PPP4R4: variants seen among roughly 807,000 people sequenced by gnomAD.
PPP4R4 encodes the protein protein phosphatase 4 regulatory subunit 4.
In PPP4R4, 70 loss-of-function variants were observed where a neutral mutation model predicts 121.8. The observed-to-expected ratio is 0.57, with a 90% CI of 0.47 to 0.70. The LOEUF is 0.70. Ranked by LOEUF, PPP4R4 falls within the 30% of genes least tolerant of loss-of-function variation. The probability of loss-of-function intolerance (pLI) is 0.00; values close to 1 mark genes in which losing one functional copy is unlikely to be tolerated. For synonymous variants in PPP4R4, 348 were observed against 355.7 expected, an observed-to-expected ratio of 0.98 and a Z score of 0.24; for missense variants, 875 against 1,033.6, an observed-to-expected ratio of 0.85 and a Z score of 2.10.
chr14:94,191,944 T>C (rs768682550), intron 2 of PPP4R4, among the ~76,000 whole-genome samples: 8 of 152,140 alleles, frequency 5.3e-5, no homozygotes, highest in Admixed American at 6.5e-5. Flanking sequence ...GTTGGAATAC[T>C]AGCTCTAATC....
At chr14:94,226,590 T>C (rs1308436806) in intron 3 of PPP4R4, among the ~76,000 whole-genome samples, 3 of 152,106 alleles carry the variant, frequency 2.0e-5, no homozygotes, top group Admixed American at 2.0e-4. Flanking sequence ...TGAAAGTCTT[T>C]TATAAATATC....
intron 16 of PPP4R4, among the ~76,000 whole-genome samples, chr14:94,252,337 T>G (rs1893231431): frequency 6.6e-6 from 1 of 152,194 alleles, no homozygotes; most frequent in Non-Finnish European, 1.5e-5. Flanking sequence ...CATCTTGTCT[T>G]CTATGTTTTG....
Position 94,201,563 on chromosome 14 carries a change from A to G in PPP4R4, c.192-6901A>G, listed in dbSNP as rs141448649. On this transcript the variant is annotated intron_variant, in intron 2 of 24. Coordinates refer to ENST00000304338, the MANE Select transcript of PPP4R4 (RefSeq NM_058237.2). Reference sequence around the variant, plus strand: ...TGTTGGACAAGTCCTTTTTATCATTATGTAATGCCCCTCTTTGTCTTTTTA... The same window carrying G: ...TGTTGGACAAGTCCTTTTTATCATTGTGTAATGCCCCTCTTTGTCTTTTTA... Among the ~76,000 whole-genome samples the G allele has an allele frequency of 1.8e-3, 274 of 152,314 alleles. 3 individuals are homozygous for G. In the South Asian group the frequency reaches 0.029, roughly 16 times the overall value.
At chr14:94,232,572 A>G (rs1409687436) in intron 5 of PPP4R4, among the ~76,000 whole-genome samples, 1 of 152,242 alleles carries the variant, frequency 6.6e-6, no homozygotes, top group Non-Finnish European at 1.5e-5. Flanking sequence ...TGTGGTTTCA[A>G]AGATTTTAGA....
intron 23 of PPP4R4, among the ~76,000 whole-genome samples, chr14:94,273,024 T>C (rs1396451036): frequency 2.6e-5 from 4 of 152,208 alleles, no homozygotes; most frequent in African/African-American, 4.8e-5. Flanking sequence ...ATGGGAACTC[T>C]CATTCATTGC....
At chr14:94,223,749 T>C (rs537931498) in intron 3 of PPP4R4, among the ~76,000 whole-genome samples, 12 of 152,246 alleles carry the variant, frequency 7.9e-5, no homozygotes, top group Non-Finnish European at 1.8e-4. Context: ...TTACCTAGTC[T>C]GCCTTTATTG....
intron 22 of PPP4R4, 50 bp from the exon 23 acceptor site, chr14:94,266,909 T>C (rs1312702543): frequency 8.3e-7 from 1 of 1,205,626 alleles, no homozygotes; most frequent in Non-Finnish European, 1.2e-6. Flanking sequence ...ATGACTGAGA[T>C]TGTAAGAAGT....
chr14:94,266,043 T>C (rs1350940213), intron 22 of PPP4R4, among the ~76,000 whole-genome samples, 156 bp downstream of exon 22: 1 of 152,110 alleles, frequency 6.6e-6, no homozygotes, highest in Non-Finnish European at 1.5e-5. Context: ...ATTGTTATAT[T>C]TAAAAATAAG....
chr14:94,231,387 A>G, intron 5 of PPP4R4, 72 bp downstream of exon 5: 1 of 1,325,852 alleles, frequency 7.5e-7, no homozygotes, highest in Non-Finnish European at 1.1e-6. Flanking sequence ...GTTTCTTGTC[A>G]AAAATGGTTT....
At chr14:94,230,870 G>A in intron 4 of PPP4R4, 136 bp downstream of exon 4, 1 of 991,514 alleles carries the variant, frequency 1.0e-6, no homozygotes, top group Middle Eastern at 2.4e-4. Flanking sequence ...GCAGTGGAAT[G>A]ACTTAAAATA....
intron 3 of PPP4R4, among the ~76,000 whole-genome samples, chr14:94,218,116 T>C (rs1891128498): frequency 6.6e-6 from 1 of 152,076 alleles, no homozygotes; most frequent in African/African-American, 2.4e-5. Context: ...AAATAGAAAC[T>C]ATCCAAACTG....
At chr14:94,178,833 A>AT (rs1358214935) in intron 2 of PPP4R4, among the ~76,000 whole-genome samples, 1 of 152,134 alleles carries the variant, frequency 6.6e-6, no homozygotes, top group East Asian at 1.9e-4. Context: ...CTTCTTTGTG[A>AT]TTTTGCGTAT....
chr14:94,192,531 C>G (rs1398398047), intron 2 of PPP4R4, among the ~76,000 whole-genome samples: 4 of 152,160 alleles, frequency 2.6e-5, no homozygotes, highest in African/African-American at 9.6e-5. Flanking sequence ...GAACTCAAAG[C>G]AAGGCTTTGT....
intron 3 of PPP4R4, among the ~76,000 whole-genome samples, chr14:94,222,926 T>C (rs1891495939): frequency 6.6e-6 from 1 of 152,174 alleles, no homozygotes; most frequent in Non-Finnish European, 1.5e-5. Flanking sequence ...CTTCTTTTCT[T>C]TCTTTTCCAT....
chr14:94,263,277 G>A (rs933301303), intron 19 of PPP4R4, among the ~76,000 whole-genome samples: 49 of 151,912 alleles, frequency 3.2e-4, no homozygotes, highest in African/African-American at 8.0e-4. Context: ...ATTATTGTCC[G>A]TAGGCCAAGA....
rs1012478498 is a variant in PPP4R4 at position 94,174,587 on chromosome 14, G to A, written c.117+5G>A. The A allele has an allele frequency of 1.2e-6, 2 of 1,610,600 alleles. No homozygotes were observed. The highest frequency in any genetic ancestry group is 1.7e-6 in the Non-Finnish European group (2 of 1,178,698). On this transcript the variant is annotated splice_donor_5th_base_variant and intron_variant, in intron 1 of 24. Transcript: ENST00000304338. The stretch of plus-strand genomic sequence containing the variant: ...CCGGTCCGCCGGAGCCTCAAGGTGC[G>A]CCCCGGGGAGAGGACCTGCCCTCAC...
chr14:94,251,892 G>A lies in PPP4R4; in HGVS notation c.1861G>A (p.Val621Met). 1 of 1,577,416 alleles carries A rather than the reference G, an allele frequency of 6.3e-7. No individual in the cohort carries two copies. The highest frequency in any genetic ancestry group is 8.6e-7 in the Non-Finnish European group (1 of 1,161,018). ...IELTHDPVAN[V>M]RMKLCYLLPK... is the part of the protein sequence containing the mutation. Reference sequence around the variant, plus strand: ...ACTGACACATGATCCAGTAGCAAATGTGAGGTATGTTATCAATGAAGGAAA... The same window carrying A: ...ACTGACACATGATCCAGTAGCAAATATGAGGTATGTTATCAATGAAGGAAA... The change falls in exon 16 of 25, where the codon GTG becomes ATG. Residue 621 changes from valine to methionine, a missense_variant. Val to Met is a conservative substitution (Grantham distance 21). Transcript: ENST00000304338.
At chr14:94,219,851 A>G (rs1891289509) in intron 3 of PPP4R4, among the ~76,000 whole-genome samples, 4 of 152,152 alleles carry the variant, frequency 2.6e-5, no homozygotes, top group Non-Finnish European at 5.9e-5. Context: ...AATCCCAGCT[A>G]TTAGGAGGCT....
intron 23 of PPP4R4, among the ~76,000 whole-genome samples, 195 bp downstream of exon 23, chr14:94,267,224 G>A (rs569603371): frequency 6.6e-6 from 1 of 152,246 alleles, no homozygotes; most frequent in Admixed American, 6.5e-5. Flanking sequence ...ACTGTGTCAA[G>A]ACTCAAGAGT....
Sources: gnomAD v4.1 joint callset for allele counts (sites outside exome capture counted in the v4.1 genomes callset) on GRCh38, gnomAD v4.1.1 for gene constraint, MANE v1.5 for transcripts, NCBI Gene and HGNC (gene_info 2026-07-23, HGNC 2026-07-21) for gene names.